PTPRU: variants seen among roughly 807,000 people sequenced by gnomAD.
The protein encoded by PTPRU is protein tyrosine phosphatase receptor type U.
Under a neutral mutation model 166.3 loss-of-function variants are expected in PTPRU, and 69 were observed. The ratio of observed to expected loss-of-function variants is 0.41; its 90% confidence interval spans 0.34 to 0.51. PTPRU has a LOEUF of 0.51. Ranked by LOEUF, PTPRU falls within the 20% of genes least tolerant of loss-of-function variation. The pLI, the probability that PTPRU is intolerant of heterozygous loss-of-function variation, is 0.09. For missense variants in PTPRU, 1,657 were observed against 2,013.7 expected (o/e 0.82, Z 3.39); for synonymous variants, 793 against 814.0 (o/e 0.97, Z 0.44).
At chr1:29,240,074 C>T in intron 1 of PTPRU, among the ~76,000 whole-genome samples, 1 of 152,174 alleles carries the variant, frequency 6.6e-6, no homozygotes, top group East Asian at 1.9e-4. Flanking sequence ...CTGCTGTCTC[C>T]TCTCTGGGCC....
In PTPRU at chr1:29,280,012, A is replaced by T. The variant is rs1207627962; in HGVS notation, c.1766-27A>T. On this transcript the variant is annotated intron_variant, in intron 10 of 29. Coordinates refer to ENST00000373779, the MANE Select transcript of PTPRU (RefSeq NM_133178.4). The surrounding 1 kb of genome is among the most constrained non-coding windows in gnomAD (Gnocchi z 4.2). ...CTTCCTGGTCCAGTGGCCAAGCTCCAGCTTGTGACCCTGTCCCCTTCTCCA... is the reference window on the plus strand; with the variant it reads ...CTTCCTGGTCCAGTGGCCAAGCTCCTGCTTGTGACCCTGTCCCCTTCTCCA... 1 of 1,592,428 alleles carries T rather than the reference A, an allele frequency of 6.3e-7. No homozygotes were observed. Among genetic ancestry groups the T allele is most frequent in the Non-Finnish European group, 8.6e-7 (1 of 1,161,214 alleles).
intron 2 of PTPRU, 37 bp downstream of exon 2, chr1:29,255,443 C>G (rs377536840): frequency 6.2e-7 from 1 of 1,608,216 alleles, no homozygotes; most frequent in South Asian, 1.1e-5. Context: ...CCCTTCTTCT[C>G]CTTCCAGAGG....
intron 15 of PTPRU, among the ~76,000 whole-genome samples, chr1:29,294,491 T>C (rs1686793370): frequency 6.6e-6 from 1 of 152,212 alleles, no homozygotes; most frequent in South Asian, 2.1e-4. Context: ...CACTTGTGAA[T>C]TGCAAATATC....
In PTPRU at chr1:29,257,484, G is replaced by C. The variant is rs974125522; in HGVS notation, c.206-1021G>C. Among the ~76,000 whole-genome samples, 1 of 152,156 alleles carries C rather than the reference G, an allele frequency of 6.6e-6. No homozygotes were observed. The highest frequency in any genetic ancestry group is 2.4e-5 in the African/African-American group (1 of 41,432). On this transcript the variant is annotated intron_variant, in intron 2 of 29. Coordinates refer to ENST00000373779, the MANE Select transcript of PTPRU (RefSeq NM_133178.4). This position sits in a 1 kb window ranked among gnomAD's most constrained non-coding sequence, Gnocchi z 4.6. ...AGGAGGCAGCGCTGGGTGGTTTCGG[G>C]TGCCCTTTGGGAAGCCCAAATCCCC...
chr1:29,241,343 T>G (rs12731641), intron 1 of PTPRU, among the ~76,000 whole-genome samples: 1,996 of 151,970 alleles, frequency 0.013, 19 homozygotes, highest in Middle Eastern at 0.082. Context: ...TGGAGGTGGG[T>G]GTATCCATGT....
At chr1:29,325,163 C>T in intron 28 of PTPRU, 28 bp from the exon 29 acceptor site, 1 of 1,613,820 alleles carries the variant, frequency 6.2e-7, no homozygotes. Context: ...CAAGGCCCCG[C>T]CCCTCAGCTT....
chr1:29,322,903 C>A (rs1688223703), intron 26 of PTPRU, among the ~76,000 whole-genome samples: 1 of 150,342 alleles, frequency 6.7e-6, no homozygotes, highest in African/African-American at 2.5e-5. Flanking sequence ...GGTCCTGGGG[C>A]AGAAGTGGGG....
chr1:29,264,586 A>T (rs1574631243), intron 7 of PTPRU, among the ~76,000 whole-genome samples: 1 of 151,118 alleles, frequency 6.6e-6, no homozygotes, highest in Non-Finnish European at 1.5e-5. Context: ...GCTCACTGCA[A>T]CCTCCGCCTC....
chr1:29,263,484 T>A (rs192982942), intron 7 of PTPRU, among the ~76,000 whole-genome samples: 45 of 152,370 alleles, frequency 3.0e-4, no homozygotes, highest in Non-Finnish European at 2.5e-4. Context: ...TGTACAGGTT[T>A]TTATATTGAT....
In PTPRU at chr1:29,279,532, G is replaced by T. The variant is rs370694990; in HGVS notation, c.1640G>T (p.Arg547Leu). The change falls in exon 10 of 30, where the codon CGC (arginine) becomes CTC (leucine). Residue 547 changes from arginine to leucine, a missense_variant. Physicochemically the swap from Arg to Leu is moderately radical, Grantham distance 102. Transcript: ENST00000373779. This position sits in a 1 kb window ranked among gnomAD's most constrained non-coding sequence, Gnocchi z 5.2. ...PGPRRTISKL[R>L]NETYHVFSNL... ...CCACGACGTACCATCTCCAAGCTCC[G>T]CAATGAGACCTACCATGTCTTCTCC... The T allele has an allele frequency of 2.5e-6, 4 of 1,614,106 alleles. No homozygotes were observed. The highest frequency in any genetic ancestry group is 1.7e-6 in the Non-Finnish European group (2 of 1,180,004).
intron 11 of PTPRU, among the ~76,000 whole-genome samples, chr1:29,281,259 C>T (rs1159113982): frequency 1.3e-5 from 2 of 152,194 alleles, no homozygotes; most frequent in Non-Finnish European, 2.9e-5. Flanking sequence ...ACTGCAAATC[C>T]TGCCCTGGGC....
Position 29,320,724 on chromosome 1 carries a change from C to G in PTPRU, c.3727C>G (p.Pro1243Ala). 1 of 1,607,496 alleles carries G rather than the reference C, an allele frequency of 6.2e-7. No homozygotes were observed. ...RSAAFIVTLHPLQSTTPDFWR... is the reference protein window; with the variant it reads ...RSAAFIVTLHALQSTTPDFWR... ...TGCGGCCTTCATCGTGACCCTGCACCCGCTGCAGAGCACCACGCCCGACTT... is the reference window on the plus strand; with the variant it reads ...TGCGGCCTTCATCGTGACCCTGCACGCGCTGCAGAGCACCACGCCCGACTT... The change falls in exon 26 of 30, where the codon CCG (proline) becomes GCG (alanine). Residue 1243 changes from proline (P) to alanine (A), a missense_variant. Pro to Ala is a conservative substitution (Grantham distance 27). This residue lies in a region of PTPRU where 1,190 missense variants were observed against 1,477.4 expected (regional missense o/e 0.81). Coordinates refer to ENST00000373779, the MANE Select transcript of PTPRU (RefSeq NM_133178.4). The surrounding 1 kb of genome is among the most constrained non-coding windows in gnomAD (Gnocchi z 5.2).
intron 14 of PTPRU, among the ~76,000 whole-genome samples, chr1:29,285,510 C>A (rs1389142059): frequency 6.6e-6 from 1 of 152,204 alleles, no homozygotes; most frequent in African/African-American, 2.4e-5. Flanking sequence ...TTGCAGAGGG[C>A]AGCATATATC....
Position 29,260,141 on chromosome 1 carries a change from G to A in PTPRU, c.850+97G>A. The A allele has an allele frequency of 8.4e-7, 1 of 1,196,746 alleles. No homozygotes were observed. Among genetic ancestry groups the A allele is most frequent in the Non-Finnish European group, 1.1e-6 (1 of 928,222 alleles). 74.1% of individuals were successfully genotyped at this position (1,196,746 alleles called of 1,614,324 possible). A position where few individuals can be genotyped will look rare whatever the true frequency, so the allele number is the denominator to read the frequency against. ...CTGCCCGGGGGCGTGGCCGTGGGGG[G>A]TGGGGCCGGCAGGGTGTCGCTGGGG... On this transcript the variant is annotated intron_variant, in intron 6 of 29. Coordinates refer to ENST00000373779, the MANE Select transcript of PTPRU (RefSeq NM_133178.4). The surrounding 1 kb of genome is among the most constrained non-coding windows in gnomAD (Gnocchi z 8.3).
intron 14 of PTPRU, among the ~76,000 whole-genome samples, chr1:29,288,556 C>T (rs900114782): frequency 6.6e-6 from 1 of 152,190 alleles, no homozygotes; most frequent in African/African-American, 2.4e-5. Context: ...CCTAGACTCT[C>T]CCCTCTCTCC....
In PTPRU at chr1:29,279,689, C is replaced by T. The variant is rs576567310; in HGVS notation, c.1765+32C>T. On this transcript the variant is annotated intron_variant, in intron 10 of 29. Coordinates refer to ENST00000373779, the MANE Select transcript of PTPRU (RefSeq NM_133178.4). The surrounding 1 kb of genome is among the most constrained non-coding windows in gnomAD (Gnocchi z 5.2). The stretch of plus-strand genomic sequence containing the variant: ...CCCACCTGACCCGGCCCAGCCTCTT[C>T]GGAGGTGGCCCAGAATCCCAGGGTT... 59 of 1,599,964 alleles carry T rather than the reference C, an allele frequency of 3.7e-5. No homozygotes were observed. The highest frequency in any genetic ancestry group is 1.7e-4 in the Middle Eastern group (1 of 6,056).
At chr1:29,276,002 T>C (rs1300036474) in intron 8 of PTPRU, among the ~76,000 whole-genome samples, 2 of 152,188 alleles carry the variant, frequency 1.3e-5, no homozygotes, top group Admixed American at 1.3e-4. Context: ...AGAGTTTTCT[T>C]TGTGGCAAGG....
chr1:29,246,686 G>A (rs1684313106), intron 1 of PTPRU, among the ~76,000 whole-genome samples: 2 of 151,840 alleles, frequency 1.3e-5, no homozygotes, highest in Non-Finnish European at 2.9e-5. Flanking sequence ...AGCGGTCTGG[G>A]CTCACTGCCA....
At chr1:29,253,289 A>G (rs1172015486) in intron 1 of PTPRU, among the ~76,000 whole-genome samples, 1 of 152,146 alleles carries the variant, frequency 6.6e-6, no homozygotes, top group Non-Finnish European at 1.5e-5. Flanking sequence ...CATAAGCATG[A>G]TGGACAAATG....
Sources: allele counts gnomAD v4.1 joint callset (sites outside exome capture counted in the v4.1 genomes callset), GRCh38; gene constraint gnomAD v4.1.1; regional missense constraint gnomAD v4.1.1; non-coding constraint Gnocchi (gnomAD v3.1); transcripts MANE v1.5; gene names NCBI Gene and HGNC (gene_info 2026-07-23, HGNC 2026-07-21).